Variants in SLC12A4 observed in about 807,000 individuals in gnomAD.
SLC12A4 encodes the protein solute carrier family 12 member 4.
SLC12A4 carries 84 observed loss-of-function variants against 119.2 expected under a neutral mutation model. The ratio of observed to expected loss-of-function variants is 0.70; its 90% confidence interval spans 0.59 to 0.85. The LOEUF (loss-of-function observed/expected upper bound fraction) is 0.85. SLC12A4 is among the 40% of genes least tolerant of loss of function. The pLI, the probability that SLC12A4 is intolerant of heterozygous loss-of-function variation, is 0.00. For missense variants in SLC12A4, 1,298 were observed against 1,476.3 expected, an observed-to-expected ratio of 0.88 and a Z score of 1.98; for synonymous variants, 599 against 604.6, an observed-to-expected ratio of 0.99 and a Z score of 0.14.
At chr16:67,964,250 GCC>G (rs1179348897) in intron 1 of SLC12A4, among the ~76,000 whole-genome samples, 1 of 152,200 alleles carries the variant, frequency 6.6e-6, no homozygotes, top group Non-Finnish European at 1.5e-5. Context: ...CAACACAATG[GCC>G]CCCTTGCCCG....
rs1255066219 is a variant in SLC12A4, at chr16:67,963,540, C to T, written c.135G>A (p.Glu45=). The T allele has an allele frequency of 1.3e-6, 2 of 1,583,572 alleles. No homozygotes were observed. The highest frequency in any genetic ancestry group is 1.7e-6 in the Non-Finnish European group (2 of 1,170,432). Residue 45 remains glutamate, a synonymous_variant, in exon 2 of 24, where the codon GAG becomes GAA. Transcript: ENST00000316341. ...DDSDGHGNHR[E]SSPFLSPLEA... ...CCAAGGGGGAAAGAAAAGGGCTGCT[C>T]TCTCTGTGGTTGCCATGTCCTGTGA...
At position 67,951,167 on chromosome 16, in the gene SLC12A4, C is replaced by A; in HGVS notation, c.1270G>T (p.Val424Phe). Residue 424 changes from valine to phenylalanine, a missense_variant, in exon 9 of 24, where the codon GTC becomes TTC. Transcript: ENST00000316341. This position sits in a 1 kb window ranked among gnomAD's most constrained non-coding sequence, Gnocchi z 5.2. ...ADIATSFTVL[V>F]GIFFPSVTGI... ...GTTACAGAAGGGAAGAAGATGCCGA[C>A]CAGCACGGTGAAGGATGTGGCGATG... is the stretch of plus-strand genomic sequence containing the variant. 1.2e-6 allele frequency: 2 copies of A among 1,614,020 alleles called. No individual in the cohort carries two copies. Among genetic ancestry groups the A allele is most frequent in the South Asian group, 1.1e-5 (1 of 91,080 alleles).
rs1386619893 is a variant in SLC12A4 at position 67,947,423 on chromosome 16, C to A, written c.1980G>T (p.Glu660Asp). Residue 660 changes from glutamate to aspartate, a missense_variant, in exon 16 of 24, where the codon GAG (glutamate) becomes GAT (aspartate). By Grantham distance (45) the Glu-to-Asp change is conservative. Transcript: ENST00000316341. ...ACAGGCCTCGGATCCCGTCACCCCA[C>A]TCCTTCTCAGCCCTGCAGATTCCAC... is the stretch of plus-strand genomic sequence containing the variant. The part of the protein sequence containing the change: ...KYIEYQGAEK[E>D]WGDGIRGLSL... 1 of 1,612,424 alleles carries A rather than the reference C, an allele frequency of 6.2e-7. No individual in the cohort carries two copies. The highest frequency in any genetic ancestry group is 1.7e-5 in the Admixed American group (1 of 59,992).
chr16:67,947,475 C>T lies in SLC12A4; in HGVS notation c.1968-40G>A, dbSNP rs758810567. The stretch of plus-strand genomic sequence containing the variant: ...ACAGCTGGTGAGCCCCTGGTGCCGC[C>T]CAGGGGGTTCTGTCTATGTGGATGC... On this transcript the variant is annotated intron_variant, in intron 15 of 23. Transcript: ENST00000316341. The T allele has an allele frequency of 1.9e-6, 3 of 1,592,832 alleles. No individual in the cohort carries two copies. In the Admixed American group the frequency reaches 5.1e-5, roughly 27 times the overall value.
chr16:67,949,672 GGCCACATCTCCCCATGCAGCCT>G lies in SLC12A4; in HGVS notation c.1748+106_1748+127del. 1 of 648,822 alleles carries G rather than the reference GGCCACATCTCCCCATGCAGCCT, an allele frequency of 1.5e-6. No homozygotes were observed. Among genetic ancestry groups the G allele is most frequent in the Non-Finnish European group, 2.6e-6 (1 of 380,716 alleles). 40.2% of individuals were successfully genotyped at this position (648,822 alleles called of 1,614,324 possible). On this transcript the variant is annotated intron_variant, in intron 13 of 23. Coordinates refer to ENST00000316341, the MANE Select transcript of SLC12A4 (RefSeq NM_005072.5). The surrounding 1 kb of genome is among the most constrained non-coding windows in gnomAD (Gnocchi z 4.6). ...TGCAGGGGTGGGCTGAGCCCTGTCA[GGCCACATCTCCCCATGCAGCCT>G]GCCACATCTCCCAGCTGGACCTCCA...
rs2151327679 is a variant in SLC12A4 at position 67,949,815 on chromosome 16, G to A, written c.1733C>T (p.Ala578Val). Reference sequence around the variant, plus strand: ...CCCAGCTCACATGGATAAGATGGGGGCCACCATGTCGAGGGAGGCGATGAG... The same window carrying A: ...CCCAGCTCACATGGATAAGATGGGGACCACCATGTCGAGGGAGGCGATGAG... ...GILIASLDMV[A>V]PILSMFFLMC... Residue 578 changes from alanine to valine, a missense_variant, in exon 13 of 24, where the codon GCC (alanine) becomes GTC (valine). Coordinates refer to ENST00000316341, the MANE Select transcript of SLC12A4 (RefSeq NM_005072.5). The surrounding 1 kb of genome is among the most constrained non-coding windows in gnomAD (Gnocchi z 4.6). 1.9e-6 allele frequency: 3 copies of A among 1,609,526 alleles called. No homozygotes were observed. Among genetic ancestry groups the A allele is most frequent in the East Asian group, 4.5e-5 (2 of 44,342 alleles).
intron 22 of SLC12A4, 36 bp downstream of exon 22, chr16:67,945,333 T>C: frequency 2.5e-6 from 4 of 1,592,320 alleles, no homozygotes; most frequent in Non-Finnish European, 2.6e-6. Flanking sequence ...CACCCCTAGA[T>C]TCCAGTGCCG....
rs547072419 is a variant in SLC12A4, at chr16:67,944,280, G to A, written c.*560C>T. 3.0e-5 allele frequency: 43 copies of A among 1,415,912 alleles called. No homozygotes were observed. In the Middle Eastern group the frequency reaches 7.8e-4, roughly 26 times the overall value. 87.7% of individuals were successfully genotyped at this position (1,415,912 alleles called of 1,614,324 possible). ...CGGCTCTGGGCCTGGGTTCAGTTCC[G>A]CCTTCTTCTCTTGGCGCCAGGGGAA... On this transcript the variant is annotated 3_prime_UTR_variant, in exon 24 of 24. Transcript: ENST00000316341. This position sits in a 1 kb window ranked among gnomAD's most constrained non-coding sequence, Gnocchi z 6.6.
chr16:67,963,913 C>T, intron 1 of SLC12A4: 2 of 1,551,266 alleles, frequency 1.3e-6, no homozygotes, highest in Middle Eastern at 1.7e-4. Context: ...AGTCCCTTTC[C>T]CGGTCTTTCC....
At chr16:67,956,536 AT>A (rs895795576) in intron 5 of SLC12A4, among the ~76,000 whole-genome samples, 2 of 151,336 alleles carry the variant, frequency 1.3e-5, no homozygotes, top group African/African-American at 4.9e-5. Flanking sequence ...AAATACAAAA[AT>A]GTGGTGGTCG....
At chr16:67,961,350 G>T (rs1374110258) in intron 3 of SLC12A4, among the ~76,000 whole-genome samples, 1 of 152,168 alleles carries the variant, frequency 6.6e-6, no homozygotes, top group African/African-American at 2.4e-5. Context: ...GTCTCCTGCT[G>T]TCATTCCTGA....
At position 67,944,111 on chromosome 16, in the gene SLC12A4, G is replaced by C. The variant is rs2058314522; in HGVS notation, c.*729C>G. 1 of 1,546,862 alleles carries C rather than the reference G, an allele frequency of 6.5e-7. No individual in the cohort carries two copies. The highest frequency in any genetic ancestry group is 8.7e-7 in the Non-Finnish European group (1 of 1,145,612). On this transcript the variant is annotated 3_prime_UTR_variant, in exon 24 of 24. Coordinates refer to ENST00000316341, the MANE Select transcript of SLC12A4 (RefSeq NM_005072.5). The surrounding 1 kb of genome is among the most constrained non-coding windows in gnomAD (Gnocchi z 6.6). ...AGCCGGGCGGCCCCATTCCAGCCCTGGTGCCTACTGCCAGAGAAAGCGGCA... is the reference window on the plus strand; with the variant it reads ...AGCCGGGCGGCCCCATTCCAGCCCTCGTGCCTACTGCCAGAGAAAGCGGCA...
chr16:67,967,335 T>G (rs567813109), intron 1 of SLC12A4, among the ~76,000 whole-genome samples: 69 of 152,288 alleles, frequency 4.5e-4, no homozygotes, highest in African/African-American at 1.6e-3. Context: ...CATATCTCCA[T>G]CATGATCGGT....
chr16:67,956,843 T>TATAG (rs1376461131), intron 5 of SLC12A4, among the ~76,000 whole-genome samples: 1 of 151,756 alleles, frequency 6.6e-6, no homozygotes, highest in East Asian at 1.9e-4. Flanking sequence ...CATATATATA[T>TATAG]ATATATATAC....
At position 67,967,676 on chromosome 16, in the gene SLC12A4, T is replaced by C. The variant is rs1264723671; in HGVS notation, c.115+763A>G. On this transcript the variant is annotated intron_variant, in intron 1 of 23. Transcript: ENST00000316341. ...GGAGATGGGGCTTACCTCTCGGCCC[T>C]GGCACCTAAGTTAAAGAGTTAAGGT... 2.6e-5 allele frequency among the ~76,000 whole-genome samples: 4 copies of C among 152,132 alleles called. No individual in the cohort carries two copies. The East Asian group carries it at 7.7e-4, about 29-fold the overall frequency.
At chr16:67,966,139 T>C (rs768949255) in intron 1 of SLC12A4, among the ~76,000 whole-genome samples, 1 of 152,236 alleles carries the variant, frequency 6.6e-6, no homozygotes, top group Non-Finnish European at 1.5e-5. Flanking sequence ...GCGGCCTTGG[T>C]TTCCTCTTCT....
chr16:67,966,190 G>C (rs1197382337), intron 1 of SLC12A4, among the ~76,000 whole-genome samples: 1 of 152,208 alleles, frequency 6.6e-6, no homozygotes, highest in Non-Finnish European at 1.5e-5. Context: ...CAACTGCCCA[G>C]ATGCACTAGA....
chr16:67,963,329 C>G, intron 2 of SLC12A4, 136 bp downstream of exon 2: 2 of 529,680 alleles, frequency 3.8e-6, no homozygotes, highest in South Asian at 5.3e-5. Flanking sequence ...AACTGCAGCC[C>G]GGCTGCCATG....
chr16:67,963,599 C>T, intron 1 of SLC12A4, 40 bp from the exon 2 acceptor site: 1 of 1,436,298 alleles, frequency 7.0e-7, no homozygotes, highest in Non-Finnish European at 9.4e-7. Flanking sequence ...GCTTCCTGAG[C>T]CCCCCAGCCT....
Sources: gnomAD v4.1 joint callset for allele counts (sites outside exome capture counted in the v4.1 genomes callset) on GRCh38, gnomAD v4.1.1 for gene constraint, Gnocchi (gnomAD v3.1) non-coding constraint, MANE v1.5 for transcripts, NCBI Gene and HGNC (gene_info 2026-07-23, HGNC 2026-07-21) for gene names.